PSME3IP1: variants seen among roughly 807,000 people sequenced by gnomAD.
The protein encoded by PSME3IP1 is proteasome activator subunit 3 interacting protein 1.
Under a neutral mutation model 34.1 loss-of-function variants are expected in PSME3IP1, and 13 were observed. The ratio of observed to expected loss-of-function variants is 0.38; its 90% CI spans 0.25 to 0.61. The LOEUF is 0.61. Ranked by LOEUF, PSME3IP1 falls within the 20% of genes least tolerant of loss-of-function variation. PSME3IP1 has a pLI of 0.60. For missense variants in PSME3IP1, 237 were observed against 301.4 expected (o/e 0.79, Z 1.58); for synonymous variants, 93 against 114.3 (o/e 0.81, Z 1.19).
At chr16:57,170,531 TC>T (rs2072447892) in intron 4 of PSME3IP1, among the ~76,000 whole-genome samples, 1 of 152,246 alleles carries the variant, frequency 6.6e-6, no homozygotes, top group Non-Finnish European at 1.5e-5. Context: ...GCTTGAAATA[TC>T]CAAATAAGCT....
At chr16:57,175,339 T>G (rs1347877791) in intron 1 of PSME3IP1, among the ~76,000 whole-genome samples, 1 of 152,148 alleles carries the variant, frequency 6.6e-6, no homozygotes, top group African/African-American at 2.4e-5. Flanking sequence ...ACTAAACCTC[T>G]GTTTTTCTTT....
chr16:57,169,398 G>A (rs1324287123), intron 4 of PSME3IP1, among the ~76,000 whole-genome samples: 1 of 152,176 alleles, frequency 6.6e-6, no homozygotes, highest in Non-Finnish European at 1.5e-5. Flanking sequence ...TCCTAACTTA[G>A]AGCTTCAATA....
chr16:57,181,529 T>C (rs1363909575), intron 1 of PSME3IP1: 1 of 152,196 alleles, frequency 6.6e-6, no homozygotes, highest in East Asian at 1.9e-4. Context: ...GTCCTCTAAT[T>C]CAGTTCAATT....
At position 57,154,566 on chromosome 16, in the gene PSME3IP1, C is replaced by A. The variant is rs1567345130; in HGVS notation, c.548-59G>T. 1 of 1,432,606 alleles carries A rather than the reference C, an allele frequency of 7.0e-7. No individual in the cohort carries two copies. Among genetic ancestry groups the A allele is most frequent in the Non-Finnish European group, 9.5e-7 (1 of 1,058,172 alleles). 88.7% of individuals were successfully genotyped at this position (1,432,606 alleles called of 1,614,324 possible). Reference sequence around the variant, plus strand: ...ACCCTTTTCCAAAGTTGGGGACTGACTTACCATGTGCCAGGCACTGTACCA... The same window carrying A: ...ACCCTTTTCCAAAGTTGGGGACTGAATTACCATGTGCCAGGCACTGTACCA... On this transcript the variant is annotated intron_variant, in intron 6 of 6. Coordinates refer to ENST00000309137, the MANE Select transcript of PSME3IP1 (RefSeq NM_024946.4). The surrounding 1 kb of genome is among the most constrained non-coding windows in gnomAD (Gnocchi z 4.0).
intron 4 of PSME3IP1, among the ~76,000 whole-genome samples, chr16:57,168,193 G>C (rs1203274978): frequency 5.3e-5 from 8 of 152,178 alleles, no homozygotes; most frequent in African/African-American, 1.9e-4. Context: ...GACATCTAGT[G>C]CCCAGGAAAT....
chr16:57,173,528 C>G (rs1385460669), intron 2 of PSME3IP1, among the ~76,000 whole-genome samples, 200 bp downstream of exon 2: 2 of 152,160 alleles, frequency 1.3e-5, no homozygotes, highest in Non-Finnish European at 2.9e-5. Context: ...ACTCGGAAGG[C>G]TAAGGCAGGA....
At chr16:57,170,832 G>T (rs2072484503) in intron 4 of PSME3IP1, among the ~76,000 whole-genome samples, 2 of 152,182 alleles carry the variant, frequency 1.3e-5, no homozygotes, top group Admixed American at 1.3e-4. Flanking sequence ...CTGCACTTTG[G>T]GATGCTGGAG....
In PSME3IP1 at chr16:57,172,350, A is replaced by C; in HGVS notation, c.249T>G (p.Asp83Glu). ...CATCAAGGAAGTTGGTCTCATCTTC[A>C]TCTAAGCCTCTTACCATGTTTTCTG... Reference protein sequence around the residue: ...FKFKNMVRGLDEDETNFLDEV... With the variant: ...FKFKNMVRGLEEDETNFLDEV... The change falls in exon 4 of 7, where the codon GAT becomes GAG. Residue 83 changes from aspartate to glutamate, a missense_variant. Transcript: ENST00000309137. The C allele has an allele frequency of 6.2e-7, 1 of 1,614,028 alleles. No homozygotes were observed. Among genetic ancestry groups the C allele is most frequent in the Non-Finnish European group, 8.5e-7 (1 of 1,179,982 alleles).
intron 6 of PSME3IP1, among the ~76,000 whole-genome samples, chr16:57,163,248 T>C (rs1435583365): frequency 6.6e-6 from 1 of 151,854 alleles, no homozygotes; most frequent in Non-Finnish European, 1.5e-5. Flanking sequence ...GCAGGCTCCT[T>C]TTTTTTTCCC....
intron 1 of PSME3IP1, among the ~76,000 whole-genome samples, chr16:57,179,011 A>T (rs2145929289): frequency 6.6e-6 from 1 of 152,322 alleles, no homozygotes; most frequent in South Asian, 2.1e-4. Flanking sequence ...GTAATTAAAA[A>T]CAAATCAAAA....
chr16:57,156,133 G>GA (rs2070496499), intron 6 of PSME3IP1, among the ~76,000 whole-genome samples: 1 of 152,186 alleles, frequency 6.6e-6, no homozygotes, highest in Admixed American at 6.5e-5. Context: ...ACTACAACTT[G>GA]ATGTATAGGC....
At position 57,153,059 on chromosome 16, in the gene PSME3IP1, T is replaced by C. The variant is rs973242869; in HGVS notation, c.*1231A>G. 4 of 152,686 alleles carry C rather than the reference T, an allele frequency of 2.6e-5. No homozygotes were observed. Among genetic ancestry groups the C allele is most frequent in the African/African-American group, 9.6e-5 (4 of 41,470 alleles). 9.5% of individuals were successfully genotyped at this position (152,686 alleles called of 1,614,324 possible). ...TTGATGTAGGAATAAGGGGAATGGA[T>C]AAAGAATGGTACATGCTTATTCTAA... On this transcript the variant is annotated 3_prime_UTR_variant, in exon 7 of 7. Coordinates refer to ENST00000309137, the MANE Select transcript of PSME3IP1 (RefSeq NM_024946.4).
chr16:57,180,953 A>G (rs2073646859), intron 1 of PSME3IP1, among the ~76,000 whole-genome samples: 1 of 152,024 alleles, frequency 6.6e-6, no homozygotes, highest in Admixed American at 6.6e-5. Context: ...AAGTGGGAGG[A>G]AGGCTTCAGC....
At chr16:57,165,167 A>ATATG in intron 5 of PSME3IP1, among the ~76,000 whole-genome samples, 1 of 152,132 alleles carries the variant, frequency 6.6e-6, no homozygotes, top group African/African-American at 2.4e-5. Flanking sequence ...ATATATATAT[A>ATATG]TATATCATCA....
Position 57,173,749 on chromosome 16 carries a change from G to T in PSME3IP1, c.106C>A (p.Arg36=), listed in dbSNP as rs779562242. 1.2e-6 allele frequency: 2 copies of T among 1,613,880 alleles called. No homozygotes were observed. The highest frequency in any genetic ancestry group is 1.7e-6 in the Non-Finnish European group (2 of 1,179,990). Reference sequence around the variant, plus strand: ...ATACCTTCTGGATCTTCAGGTTTTCGAACTTTCTCCCATTCTTCTTGCCTC... The same window carrying T: ...ATACCTTCTGGATCTTCAGGTTTTCTAACTTTCTCCCATTCTTCTTGCCTC... ...KRRQEEWEKV[R]KPEDPEECPE... The change falls in exon 2 of 7, where the codon CGA becomes AGA. Residue 36 remains arginine, a synonymous_variant. Transcript: ENST00000309137.
intron 3 of PSME3IP1, 84 bp from the exon 4 acceptor site, chr16:57,172,456 A>C: frequency 7.0e-7 from 1 of 1,424,154 alleles, no homozygotes; most frequent in Non-Finnish European, 9.6e-7. Flanking sequence ...AATAAGCAGC[A>C]GATTCTTCAG....
rs776923728 is a variant in PSME3IP1, at chr16:57,154,427, C to T, written c.628G>A (p.Gly210Ser). Residue 210 changes from glycine to serine, a missense_variant, in exon 7 of 7, where the codon GGC (glycine) becomes AGC (serine). Physicochemically the swap from Gly to Ser is moderately conservative, Grantham distance 56. Transcript: ENST00000309137. The surrounding 1 kb of genome is among the most constrained non-coding windows in gnomAD (Gnocchi z 4.0). ...TAGGCACCCAGGCCTGGGAGGATGC[C>T]GATACATACTGCAGCAGAGGGGCAG... ...IHCPSAAVCIGILPGLGAYSG... is the reference protein window; with the variant it reads ...IHCPSAAVCISILPGLGAYSG... 23 of 1,613,884 alleles carry T rather than the reference C, an allele frequency of 1.4e-5. No individual in the cohort carries two copies. Among genetic ancestry groups the T allele is most frequent in the Non-Finnish European group, 1.7e-5 (20 of 1,179,964 alleles).
chr16:57,174,293 CA>C (rs112755174), intron 1 of PSME3IP1: 9,300 of 266,706 alleles, frequency 0.035, 44 homozygotes, highest in African/African-American at 0.063. Flanking sequence ...GATTCTGTCT[CA>C]AAAAAAAAAA....
chr16:57,170,929 T>C (rs1403459294), intron 4 of PSME3IP1, among the ~76,000 whole-genome samples: 2 of 152,056 alleles, frequency 1.3e-5, no homozygotes, highest in African/African-American at 4.8e-5. Context: ...AAGAATTAGC[T>C]GGGCGTGGTG....
Sources: gnomAD v4.1 joint callset for allele counts (sites outside exome capture counted in the v4.1 genomes callset) on GRCh38, gnomAD v4.1.1 for gene constraint, Gnocchi (gnomAD v3.1) non-coding constraint, MANE v1.5 for transcripts, NCBI Gene and HGNC (gene_info 2026-07-23, HGNC 2026-07-21) for gene names.